The following EEF2K variants were observed in gnomAD, a reference collection of about 807,000 sequenced individuals.
EEF2K encodes alternative protein EEF2K.
In EEF2K, 70 loss-of-function variants were observed where a neutral mutation model predicts 93.8. That is an observed-to-expected ratio of 0.75 (90% CI 0.62 to 0.91). The LOEUF (loss-of-function observed/expected upper bound fraction) is 0.91, where lower values mean the gene tolerates loss of function less well. EEF2K is among the 40% of genes least tolerant of loss of function. The probability of loss-of-function intolerance (pLI) is 0.00; values close to 1 mark genes in which losing one functional copy is unlikely to be tolerated. For synonymous variants in EEF2K, 376 were observed against 380.8 expected (o/e 0.99, Z 0.15); for missense variants, 935 against 972.9 (o/e 0.96, Z 0.52).
At chr16:22,241,281 C>T (rs951432457) in intron 2 of EEF2K, among the ~76,000 whole-genome samples, 2 of 152,090 alleles carry the variant, frequency 1.3e-5, no homozygotes, top group African/African-American at 4.8e-5. Context: ...AAATAAAGCA[C>T]AAAATCCCAT....
At chr16:22,233,070 C>T (rs144135321) in intron 2 of EEF2K, among the ~76,000 whole-genome samples, 1 of 152,282 alleles carries the variant, frequency 6.6e-6, no homozygotes, top group Non-Finnish European at 1.5e-5. Flanking sequence ...CAGGGGGCCG[C>T]CCTCTCCATA....
chr16:22,229,282 G>A (rs1479480581), intron 2 of EEF2K, among the ~76,000 whole-genome samples: 1 of 152,220 alleles, frequency 6.6e-6, no homozygotes, highest in Admixed American at 6.5e-5. Flanking sequence ...TATGTGCAAT[G>A]TGATCCTTCA....
In EEF2K at chr16:22,264,873, C is replaced by G. The variant is rs997841579; in HGVS notation, c.1433C>G (p.Ser478Cys). 6.2e-7 allele frequency: 1 copy of G among 1,614,074 alleles called. No homozygotes were observed. The part of the protein sequence containing the change: ...YESDEDSLGS[S>C]GRVCVEKWNL... ...TCTGACGAAGACAGCCTGGGCAGCT[C>G]TGGACGGGTAATGCGCCCTGAGGCA... Residue 478 changes from serine to cysteine, a missense_variant, in exon 13 of 18, where the codon TCT (serine) becomes TGT (cysteine). Physicochemically the swap from Ser to Cys is moderately radical, Grantham distance 112. Coordinates refer to ENST00000263026, the MANE Select transcript of EEF2K (RefSeq NM_013302.5).
intron 6 of EEF2K, 110 bp downstream of exon 6, chr16:22,251,432 G>A: frequency 9.4e-7 from 1 of 1,068,774 alleles, no homozygotes; most frequent in South Asian, 1.7e-5. Flanking sequence ...TTTTTTTTTT[G>A]AGATGAAGTC....
chr16:22,229,101 T>A (rs1326362044), intron 2 of EEF2K, among the ~76,000 whole-genome samples: 1 of 152,056 alleles, frequency 6.6e-6, no homozygotes, highest in Non-Finnish European at 1.5e-5. Flanking sequence ...ATCGCACCAC[T>A]GCACTCCAGC....
intron 3 of EEF2K, among the ~76,000 whole-genome samples, chr16:22,247,475 A>G (rs1240046269): frequency 6.6e-6 from 1 of 151,916 alleles, no homozygotes; most frequent in Non-Finnish European, 1.5e-5. Context: ...CTAACCTTAC[A>G]TGAATTTTCT....
At chr16:22,276,987 C>A (rs1407906904) in intron 16 of EEF2K, among the ~76,000 whole-genome samples, 1 of 152,114 alleles carries the variant, frequency 6.6e-6, no homozygotes, top group Non-Finnish European at 1.5e-5. Context: ...ATCACTTAAA[C>A]CCGGGAGGCA....
At chr16:22,215,118 C>A (rs756196484) in intron 1 of EEF2K, among the ~76,000 whole-genome samples, 3 of 152,166 alleles carry the variant, frequency 2.0e-5, no homozygotes, top group Non-Finnish European at 2.9e-5. Flanking sequence ...CAAACGAGGA[C>A]TTGGCCAGCA....
chr16:22,272,310 G>A (rs1386883759), intron 15 of EEF2K, among the ~76,000 whole-genome samples: 2 of 152,160 alleles, frequency 1.3e-5, no homozygotes, highest in Admixed American at 6.5e-5. Flanking sequence ...ATGGATAAAC[G>A]AAATGTGATA....
At chr16:22,274,126 T>C (rs7500386) in intron 16 of EEF2K, among the ~76,000 whole-genome samples, 25,490 of 151,938 alleles carry the variant, frequency 0.17, 3,232 homozygotes, top group African/African-American at 0.37. Context: ...GCCAACATGG[T>C]GAAACTCTGT....
chr16:22,253,822 G>A (rs1345355601), intron 6 of EEF2K, among the ~76,000 whole-genome samples: 1 of 152,090 alleles, frequency 6.6e-6, no homozygotes, highest in Non-Finnish European at 1.5e-5. Context: ...TGGTAGGCCT[G>A]GCACAGTGGC....
At chr16:22,260,798 T>C (rs1249249857) in intron 11 of EEF2K, among the ~76,000 whole-genome samples, 3 of 152,200 alleles carry the variant, frequency 2.0e-5, no homozygotes, top group Non-Finnish European at 2.9e-5. Flanking sequence ...TGCGATCTTG[T>C]AGTAAATGCC....
chr16:22,215,532 A>G lies in EEF2K; in HGVS notation c.-77+8853A>G, dbSNP rs117674655. ...TCAATAGTTTAAATAAATGTTTATG[A>G]GCACCCATTATATGCTAGGGGTGCA... On this transcript the variant is annotated intron_variant, in intron 1 of 17. Coordinates refer to ENST00000263026, the MANE Select transcript of EEF2K (RefSeq NM_013302.5). Among the ~76,000 whole-genome samples the G allele has an allele frequency of 1.6e-3, 240 of 152,288 alleles. 2 individuals are homozygous for G. The East Asian group carries it at 0.027, about 17-fold the overall frequency.
At chr16:22,217,226 GAT>G (rs111264616) in intron 1 of EEF2K, among the ~76,000 whole-genome samples, 5 of 123,280 alleles carry the variant, frequency 4.1e-5, no homozygotes, top group Admixed American at 7.6e-5. Context: ...TAGATAGATA[GAT>G]AGAGAGAGAG....
intron 2 of EEF2K, 36 bp from the exon 3 acceptor site, chr16:22,244,594 G>C: frequency 6.2e-7 from 1 of 1,609,984 alleles, no homozygotes; most frequent in Non-Finnish European, 8.5e-7. Flanking sequence ...CCTGACCTGG[G>C]CCTGATGTTC....
At chr16:22,264,574 C>T (rs372208829) in intron 12 of EEF2K, among the ~76,000 whole-genome samples, 1 of 152,174 alleles carries the variant, frequency 6.6e-6, no homozygotes, top group Non-Finnish European at 1.5e-5. Flanking sequence ...TGCTCACACA[C>T]GGAGGGGGAC....
In EEF2K at chr16:22,258,692, C is replaced by T. The variant is rs934067489; in HGVS notation, c.1228C>T (p.Leu410Phe). 2 of 1,614,152 alleles carry T rather than the reference C, an allele frequency of 1.2e-6. No homozygotes were observed. The highest frequency in any genetic ancestry group is 1.7e-6 in the Non-Finnish European group (2 of 1,180,052). ...ACCACACAGCCAGAAGCTAGACCAC[C>T]TCCGTGAGTGACGGTTCGGTCCCTA... ...ATPHSQKLDH[L>F]HWPVFSDLDN... The change falls in exon 10 of 18, where the codon CTC (leucine) becomes TTC (phenylalanine). Residue 410 changes from leucine to phenylalanine, a missense_variant. By Grantham distance (22) the Leu-to-Phe change is conservative. Transcript: ENST00000263026.
intron 1 of EEF2K, among the ~76,000 whole-genome samples, chr16:22,216,046 G>A (rs1345554114): frequency 2.0e-5 from 3 of 152,198 alleles, no homozygotes; most frequent in Non-Finnish European, 2.9e-5. Context: ...GGATGTCACA[G>A]CCCACCTGAC....
intron 15 of EEF2K, among the ~76,000 whole-genome samples, chr16:22,267,752 TGCAGGAGCTGAGGCAGA>T (rs1276183008): frequency 1.3e-5 from 2 of 152,004 alleles, no homozygotes; most frequent in East Asian, 1.9e-4. Context: ...TAGCTAGAGG[TGCAGGAGCTGAGGCAGA>T]GCTGGAGCTG....
Sources: allele counts gnomAD v4.1 joint callset (sites outside exome capture counted in the v4.1 genomes callset), GRCh38; gene constraint gnomAD v4.1.1; transcripts MANE v1.5; gene names NCBI Gene and HGNC (gene_info 2026-07-23, HGNC 2026-07-21).